Variants in MTHFS observed in about 807,000 individuals in gnomAD.
MTHFS encodes the protein 5-formyltetrahydrofolate cyclo-ligase.
MTHFS carries 7 observed loss-of-function variants against 12.7 expected under a neutral mutation model. That is an observed-to-expected ratio of 0.55 (90% CI 0.31 to 1.03). MTHFS has a LOEUF of 1.03. MTHFS is among the 50% of genes least tolerant of loss of function. The probability of loss-of-function intolerance (pLI) is 0.05; values close to 1 mark genes in which losing one functional copy is unlikely to be tolerated. For missense variants in MTHFS, 252 were observed against 258.1 expected (o/e 0.98, Z 0.16); for synonymous variants, 100 against 97.1 (o/e 1.03, Z -0.18).
intron 2 of MTHFS, chr15:79,877,980 G>C (rs972541002): frequency 5.3e-5 from 8 of 151,596 alleles, no homozygotes; most frequent in Non-Finnish European, 1.0e-4. Flanking sequence ...TTAATTACTG[G>C]CAGAGCTGTC....
At chr15:79,888,521 C>CTA (rs2034417734) in intron 2 of MTHFS, among the ~76,000 whole-genome samples, 1 of 152,140 alleles carries the variant, frequency 6.6e-6, no homozygotes, top group African/African-American at 2.4e-5. Context: ...TCCAGGAATG[C>CTA]AGGCAAGAGG....
chr15:79,873,724 G>A (rs533193652), intron 2 of MTHFS, among the ~76,000 whole-genome samples: 1 of 152,154 alleles, frequency 6.6e-6, no homozygotes, highest in South Asian at 2.1e-4. Context: ...TACCAATATG[G>A]GGCTGGCTGG....
chr15:79,882,727 G>A (rs2034316653), intron 2 of MTHFS, among the ~76,000 whole-genome samples: 1 of 152,168 alleles, frequency 6.6e-6, no homozygotes, highest in Non-Finnish European at 1.5e-5. Flanking sequence ...AGGCTTCCAT[G>A]CCAACTCACA....
chr15:79,853,186 C>T (rs1189974582), intron 2 of MTHFS, among the ~76,000 whole-genome samples: 1 of 152,176 alleles, frequency 6.6e-6, no homozygotes, highest in Non-Finnish European at 1.5e-5. Flanking sequence ...GAACAGGAGA[C>T]TTGGATGAGA....
chr15:79,881,478 GC>G (rs1422049792), intron 2 of MTHFS, among the ~76,000 whole-genome samples: 7 of 151,936 alleles, frequency 4.6e-5, no homozygotes, highest in Admixed American at 2.0e-4. Context: ...GTCCAAGGAA[GC>G]CTATCATGGG....
rs2033581241 is a variant in MTHFS at position 79,844,870 on chromosome 15, C to T, written c.*340G>A. On this transcript the variant is annotated 3_prime_UTR_variant, in exon 3 of 3. Transcript: ENST00000258874. ...CGTAATGAAATACAGTGCCCACTCC[C>T]GCAAGTTTACCTTCCTCTCGCACTC... 2 of 299,444 alleles carry T rather than the reference C, an allele frequency of 6.7e-6. No homozygotes were observed. The highest frequency in any genetic ancestry group is 1.3e-5 in the Non-Finnish European group (2 of 158,032). 18.5% of individuals were successfully genotyped at this position (299,444 alleles called of 1,614,324 possible).
intron 2 of MTHFS, among the ~76,000 whole-genome samples, chr15:79,864,539 C>A (rs2033973589): frequency 1.2e-5 from 1 of 85,592 alleles, no homozygotes; most frequent in African/African-American, 5.1e-5. Context: ...AGTGAGACTC[C>A]ATCTCAACAA....
At chr15:79,890,267 G>T (rs2034452754) in intron 1 of MTHFS, among the ~76,000 whole-genome samples, 1 of 140,636 alleles carries the variant, frequency 7.1e-6, no homozygotes, top group African/African-American at 2.7e-5. Flanking sequence ...GCCCAGGCTG[G>T]AGTGCAGTGG....
intron 2 of MTHFS, among the ~76,000 whole-genome samples, chr15:79,879,671 T>C (rs2034263712): frequency 6.6e-6 from 1 of 152,210 alleles, no homozygotes; most frequent in Non-Finnish European, 1.5e-5. Context: ...ATAAGGCCTG[T>C]AATAGATGCA....
At chr15:79,893,441 G>A (rs2034510371) in intron 1 of MTHFS, among the ~76,000 whole-genome samples, 1 of 151,956 alleles carries the variant, frequency 6.6e-6, no homozygotes, top group African/African-American at 2.4e-5. Context: ...GCTCACGCCT[G>A]TAATCCCAGT....
At chr15:79,853,845 G>T (rs947591006) in intron 2 of MTHFS, among the ~76,000 whole-genome samples, 1 of 152,196 alleles carries the variant, frequency 6.6e-6, no homozygotes, top group Non-Finnish European at 1.5e-5. Flanking sequence ...TCTTTAAAAG[G>T]CTCCTTTGAG....
chr15:79,852,728 C>T (rs1256462015), intron 2 of MTHFS, among the ~76,000 whole-genome samples: 4 of 152,190 alleles, frequency 2.6e-5, no homozygotes, highest in Admixed American at 2.6e-4. Flanking sequence ...TGTAAGGTGG[C>T]CCTTCTCCTA....
At chr15:79,864,421 C>T (rs913311697) in intron 2 of MTHFS, among the ~76,000 whole-genome samples, 2 of 151,460 alleles carry the variant, frequency 1.3e-5, no homozygotes, top group Admixed American at 6.6e-5. Context: ...GGTACGCGCC[C>T]ATAGTCCCAG....
chr15:79,894,103 A>C (rs550723352), intron 1 of MTHFS, among the ~76,000 whole-genome samples: 1 of 152,206 alleles, frequency 6.6e-6, no homozygotes, highest in Non-Finnish European at 1.5e-5. Flanking sequence ...TTAAAGTTCG[A>C]GCCAGGCACA....
chr15:79,887,529 A>C (rs1394394700), intron 2 of MTHFS, among the ~76,000 whole-genome samples: 1 of 152,348 alleles, frequency 6.6e-6, no homozygotes, highest in Admixed American at 6.5e-5. Flanking sequence ...CATTATAGAG[A>C]TGATACAAGC....
At chr15:79,894,030 C>A (rs563138642) in intron 1 of MTHFS, among the ~76,000 whole-genome samples, 1 of 152,300 alleles carries the variant, frequency 6.6e-6, no homozygotes, top group South Asian at 2.1e-4. Context: ...CAGTGATGAT[C>A]CATTGGTTAG....
intron 2 of MTHFS, among the ~76,000 whole-genome samples, chr15:79,850,685 A>C (rs965212031): frequency 3.9e-5 from 6 of 152,152 alleles, no homozygotes; most frequent in Non-Finnish European, 8.8e-5. Flanking sequence ...AGGACACAAA[A>C]ATATCTATTA....
At chr15:79,897,127 CG>C, upstream of MTHFS, 3 of 754,066 alleles carry the variant, frequency 4.0e-6, no homozygotes, top group South Asian at 8.6e-5. Context: ...ACCCCGCTTC[CG>C]GGACGCGGGC....
intron 2 of MTHFS, among the ~76,000 whole-genome samples, chr15:79,861,353 G>A (rs188757601): frequency 6.7e-4 from 102 of 152,192 alleles, no homozygotes; most frequent in Non-Finnish European, 3.2e-4. Context: ...CCTATGGCCA[G>A]ACACCACTGC....
Sources: allele counts gnomAD v4.1 joint callset (sites outside exome capture counted in the v4.1 genomes callset), GRCh38; gene constraint gnomAD v4.1.1; transcripts MANE v1.5; gene names NCBI Gene and HGNC (gene_info 2026-07-23, HGNC 2026-07-21).